SLC6A15: variants seen among roughly 807,000 people sequenced by gnomAD.
SLC6A15 encodes the protein sodium-dependent neutral amino acid transporter B(0)AT2.
In SLC6A15, 33 loss-of-function variants were observed where a neutral mutation model predicts 68.5. The ratio of observed to expected loss-of-function variants is 0.48; its 90% CI spans 0.37 to 0.64. SLC6A15 has a LOEUF of 0.64. Ranked by LOEUF, SLC6A15 falls within the 30% of genes least tolerant of loss-of-function variation. SLC6A15 has a pLI of 0.00. For missense variants in SLC6A15, 747 were observed against 874.3 expected, an observed-to-expected ratio of 0.85 and a Z score of 1.84; for synonymous variants, 347 against 301.0, an observed-to-expected ratio of 1.15 and a Z score of -1.58.
intron 1 of SLC6A15, among the ~76,000 whole-genome samples, chr12:84,893,460 T>G (rs563071240): frequency 2.0e-5 from 3 of 152,116 alleles, no homozygotes; most frequent in Admixed American, 6.5e-5. Context: ...CCTATCCTTT[T>G]CCCCACTCAG....
intron 9 of SLC6A15, chr12:84,867,501 A>C: frequency 5.8e-6 from 1 of 173,868 alleles, no homozygotes; most frequent in Non-Finnish European, 1.2e-5. Context: ...ATAAATTTCC[A>C]TACTCTATTC....
chr12:84,897,115 C>T (rs1872666511), intron 1 of SLC6A15, among the ~76,000 whole-genome samples: 2 of 152,230 alleles, frequency 1.3e-5, no homozygotes, highest in South Asian at 4.2e-4. Context: ...ATCATTTGAA[C>T]TGGGGAGGCA....
In SLC6A15 at chr12:84,885,836, G is replaced by A. The variant is rs559142107; in HGVS notation, c.447+75C>T. 12 of 1,406,500 alleles carry A rather than the reference G, an allele frequency of 8.5e-6. No individual in the cohort carries two copies. In the African/African-American group the frequency reaches 1.7e-4, roughly 20 times the overall value. The allele number at this position is 1,406,500 out of a possible 1,614,324, so 87.1% of individuals were successfully genotyped here. A position where few individuals can be genotyped will look rare whatever the true frequency, so the allele number is the denominator to read the frequency against. ...GTTGTTTATTAACACACACTCCAAAGTTTCATTTAAATGTTAATTATATAA... is the reference window on the plus strand; with the variant it reads ...GTTGTTTATTAACACACACTCCAAAATTTCATTTAAATGTTAATTATATAA... On this transcript the variant is annotated intron_variant, in intron 3 of 11. Coordinates refer to ENST00000266682, the MANE Select transcript of SLC6A15 (RefSeq NM_182767.6).
At chr12:84,889,934 T>C (rs755217920) in intron 2 of SLC6A15, among the ~76,000 whole-genome samples, 3 of 149,908 alleles carry the variant, frequency 2.0e-5, no homozygotes, top group Non-Finnish European at 4.4e-5. Context: ...AAATAAACTT[T>C]ATATTGACTC....
intron 2 of SLC6A15, among the ~76,000 whole-genome samples, chr12:84,889,407 A>G (rs557992799): frequency 2.6e-5 from 4 of 151,658 alleles, no homozygotes; most frequent in African/African-American, 7.3e-5. Context: ...GGAGAATGGC[A>G]TGAACCCGGG....
Position 84,891,747 on chromosome 12 carries a change from A to G in SLC6A15, c.289+85T>C, listed in dbSNP as rs527763424. The stretch of plus-strand genomic sequence containing the variant: ...CAATGAAATTGAAAGTTTCAAAAAT[A>G]ATGAGAAACAGCAATAATAGGAGCT... On this transcript the variant is annotated intron_variant, in intron 2 of 11. Coordinates refer to ENST00000266682, the MANE Select transcript of SLC6A15 (RefSeq NM_182767.6). 3 of 1,333,540 alleles carry G rather than the reference A, an allele frequency of 2.2e-6. No individual in the cohort carries two copies. The South Asian group carries it at 4.4e-5, about 19-fold the overall frequency. 82.6% of individuals were successfully genotyped at this position (1,333,540 alleles called of 1,614,324 possible). A position where few individuals can be genotyped will look rare whatever the true frequency, so the allele number is the denominator to read the frequency against.
At chr12:84,880,282 T>G (rs1871761633) in intron 5 of SLC6A15, among the ~76,000 whole-genome samples, 1 of 152,188 alleles carries the variant, frequency 6.6e-6, no homozygotes. Context: ...TACTTAAATA[T>G]CTGTGTCATT....
At chr12:84,885,825 C>T (rs896609846) in intron 3 of SLC6A15, 86 bp downstream of exon 3, 2 of 1,329,386 alleles carry the variant, frequency 1.5e-6, no homozygotes, top group Non-Finnish European at 1.0e-6. Flanking sequence ...TTTATTAACA[C>T]ACACTCCAAA....
intron 1 of SLC6A15, among the ~76,000 whole-genome samples, chr12:84,909,440 T>C (rs1168202230): frequency 6.6e-6 from 1 of 152,190 alleles, no homozygotes; most frequent in Non-Finnish European, 1.5e-5. Context: ...GAGATGATCA[T>C]TACTGGTCAA....
intron 5 of SLC6A15, chr12:84,882,995 G>A (rs1795308942): frequency 1.0e-6 from 1 of 983,152 alleles, no homozygotes; most frequent in South Asian, 4.7e-5. Flanking sequence ...AGTATATGAT[G>A]ATGAGTGGTA....
At position 84,863,454 on chromosome 12, in the gene SLC6A15, T is replaced by A; in HGVS notation, c.1803A>T (p.Ala601=). The change falls in exon 11 of 12, where the codon GCA becomes GCT. Residue 601 remains alanine (A), a synonymous_variant. Transcript: ENST00000266682. ...TTGTATTTACCTTATCTTCAATCCA[T>A]GCGTTATAGCCAGGAGGACTTAATC... ...NMGLSPPGYN[A]WIEDKASEEF... is the part of the protein sequence containing the mutation. 6.3e-7 allele frequency: 1 copy of A among 1,575,528 alleles called. No homozygotes were observed. The highest frequency in any genetic ancestry group is 8.6e-7 in the Non-Finnish European group (1 of 1,167,336).
At chr12:84,885,838 T>C in intron 3 of SLC6A15, 73 bp downstream of exon 3, 1 of 1,420,226 alleles carries the variant, frequency 7.0e-7, no homozygotes, top group South Asian at 1.4e-5. Flanking sequence ...ACTCCAAAGT[T>C]TCATTTAAAT....
rs1413476229 is a variant in SLC6A15, at chr12:84,905,605, A to G, written c.-189+6918T>C. Among the ~76,000 whole-genome samples, 7 of 152,326 alleles carry G rather than the reference A, an allele frequency of 4.6e-5. No individual in the cohort carries two copies. In the South Asian group the frequency reaches 1.4e-3, roughly 32 times the overall value. On this transcript the variant is annotated intron_variant, in intron 1 of 11. Coordinates refer to ENST00000266682, the MANE Select transcript of SLC6A15 (RefSeq NM_182767.6). Reference sequence around the variant, plus strand: ...AGTCAGCCCTTAGTGTCCAAGGGACATTGTTGAAGGACCTCCCACAAATAC... The same window carrying G: ...AGTCAGCCCTTAGTGTCCAAGGGACGTTGTTGAAGGACCTCCCACAAATAC...
chr12:84,891,716 G>T, intron 2 of SLC6A15, 116 bp downstream of exon 2: 2 of 1,124,050 alleles, frequency 1.8e-6, no homozygotes, highest in African/African-American at 1.6e-5. Flanking sequence ...GGTTTCTCTA[G>T]CTTTACAATG....
At chr12:84,911,205 A>G (rs1282205624) in intron 1 of SLC6A15, among the ~76,000 whole-genome samples, 4 of 152,202 alleles carry the variant, frequency 2.6e-5, no homozygotes, top group Non-Finnish European at 5.9e-5. Flanking sequence ...GCAATCAGGC[A>G]TTGACAGGTA....
intron 2 of SLC6A15, among the ~76,000 whole-genome samples, chr12:84,886,323 T>A (rs1334542322): frequency 6.6e-6 from 1 of 152,144 alleles, no homozygotes; most frequent in Non-Finnish European, 1.5e-5. Context: ...CTTAAATTTA[T>A]TTAAAGAGTA....
In SLC6A15 at chr12:84,860,758, T is replaced by C. The variant is rs1870813035; in HGVS notation, c.*874A>G. The C allele has an allele frequency of 6.6e-6, 1 of 152,150 alleles. No homozygotes were observed. The highest frequency in any genetic ancestry group is 1.5e-5 in the Non-Finnish European group (1 of 68,010). 9.4% of individuals were successfully genotyped at this position (152,150 alleles called of 1,614,324 possible). On this transcript the variant is annotated 3_prime_UTR_variant, in exon 12 of 12. Coordinates refer to ENST00000266682, the MANE Select transcript of SLC6A15 (RefSeq NM_182767.6). ...ATAAAACAGAAGCAAAACAGAAATA[T>C]ATTAATTAAAATGCCATCTTGCTTC... is the stretch of plus-strand genomic sequence containing the variant.
At chr12:84,873,415 T>C in intron 6 of SLC6A15, 87 bp from the exon 7 acceptor site, 1 of 1,437,596 alleles carries the variant, frequency 7.0e-7, no homozygotes, top group Non-Finnish European at 9.4e-7. Flanking sequence ...TTATGGAGTA[T>C]ACAATGATAT....
intron 1 of SLC6A15, among the ~76,000 whole-genome samples, chr12:84,902,797 CATAATT>C (rs1475482459): frequency 6.6e-6 from 1 of 151,902 alleles, no homozygotes; most frequent in East Asian, 1.9e-4. Flanking sequence ...TGTGAAATAA[CATAATT>C]ATAGAAATAA....
Sources: allele counts gnomAD v4.1 joint callset (sites outside exome capture counted in the v4.1 genomes callset), GRCh38; gene constraint gnomAD v4.1.1; transcripts MANE v1.5; gene names NCBI Gene and HGNC (gene_info 2026-07-23, HGNC 2026-07-21).